The following AUTS2 variants were observed in gnomAD, a reference collection of about 807,000 sequenced individuals.
AUTS2 encodes autism susceptibility gene 2 protein.
In AUTS2, 17 loss-of-function variants were observed where a neutral mutation model predicts 112.4. That is an observed-to-expected ratio of 0.15 (90% CI 0.10 to 0.23). AUTS2 has a LOEUF of 0.23. AUTS2 is among the 10% of genes least tolerant of loss of function. The pLI is 1.00. For synonymous variants in AUTS2, 751 were observed against 702.7 expected (o/e 1.07, Z -1.09); for missense variants, 1,510 against 1,701.6 (o/e 0.89, Z 1.98).
At chr7:69,683,631 T>C (rs1167664415) in intron 1 of AUTS2, among the ~76,000 whole-genome samples, 1 of 151,782 alleles carries the variant, frequency 6.6e-6, no homozygotes, top group Non-Finnish European at 1.5e-5. Flanking sequence ...GCGCAATGGC[T>C]CACACCTGTA....
chr7:70,624,228 GTC>G (rs1402720037), intron 5 of AUTS2, among the ~76,000 whole-genome samples: 1 of 152,172 alleles, frequency 6.6e-6, no homozygotes, highest in Admixed American at 6.5e-5. Flanking sequence ...GGATGTGCTG[GTC>G]TCTCTGGAAG....
chr7:70,460,318 C>T (rs545665192), intron 5 of AUTS2, among the ~76,000 whole-genome samples: 2 of 150,406 alleles, frequency 1.3e-5, no homozygotes, highest in African/African-American at 4.9e-5. Context: ...GGCAGCCAAC[C>T]TCAGCAAGGA....
intron 6 of AUTS2, among the ~76,000 whole-genome samples, chr7:70,718,736 T>G (rs985057232): frequency 6.6e-6 from 1 of 152,184 alleles, no homozygotes; most frequent in Admixed American, 6.5e-5. Context: ...CCCTGCTGCT[T>G]CTTCATATAC....
chr7:70,258,243 T>C (rs994453978), intron 4 of AUTS2, among the ~76,000 whole-genome samples: 17 of 152,192 alleles, frequency 1.1e-4, no homozygotes, highest in African/African-American at 4.1e-4. Flanking sequence ...TGTAGTTATG[T>C]TGAGCAGTAA....
intron 4 of AUTS2, among the ~76,000 whole-genome samples, chr7:70,172,552 T>C (rs988813508): frequency 6.6e-6 from 1 of 152,226 alleles, no homozygotes; most frequent in Non-Finnish European, 1.5e-5. Flanking sequence ...CCTTCATTTC[T>C]AGAGATGCAG....
chr7:69,909,469 C>G (rs539144846), intron 2 of AUTS2, among the ~76,000 whole-genome samples: 1 of 152,062 alleles, frequency 6.6e-6, no homozygotes. Context: ...TGATGATGAG[C>G]TCTTAAGGTT....
At chr7:70,646,913 T>G (rs1806199706) in intron 5 of AUTS2, among the ~76,000 whole-genome samples, 1 of 152,208 alleles carries the variant, frequency 6.6e-6, no homozygotes, top group Admixed American at 6.5e-5. Context: ...CCATTTTGGA[T>G]GCTGTTCTGC....
rs150167742 is a variant in AUTS2, at chr7:69,726,309, T to C, written c.309+126347T>C. 1.3e-3 allele frequency among the ~76,000 whole-genome samples: 197 copies of C among 152,358 alleles called. 1 individual carries two copies. The highest frequency in any genetic ancestry group is 0.013 in the East Asian group (65 of 5,192). ...TGGAATTATACAAGTATGTGCTCTATTGTGTTTGCCTTCTTCTGTTAACAT... is the reference window on the plus strand; with the variant it reads ...TGGAATTATACAAGTATGTGCTCTACTGTGTTTGCCTTCTTCTGTTAACAT... On this transcript the variant is annotated intron_variant, in intron 1 of 18. Transcript: ENST00000342771.
At chr7:69,952,230 A>G (rs1431135729) in intron 2 of AUTS2, among the ~76,000 whole-genome samples, 1 of 152,138 alleles carries the variant, frequency 6.6e-6, no homozygotes, top group Non-Finnish European at 1.5e-5. Context: ...GTTTTTGTGT[A>G]CCCATACTTT....
At chr7:70,785,915 G>A (rs945984745) in intron 16 of AUTS2, 40 bp from the exon 17 acceptor site, 4 of 1,600,226 alleles carry the variant, frequency 2.5e-6, no homozygotes, top group Admixed American at 3.3e-5. Flanking sequence ...TCTCCCAGCA[G>A]AGCCCCTGAC....
In AUTS2 at chr7:70,280,731, C is replaced by T. The variant is rs192934226; in HGVS notation, c.660+146160C>T. Among the ~76,000 whole-genome samples the T allele has an allele frequency of 1.5e-3, 221 of 152,220 alleles. 1 individual carries two copies. Among genetic ancestry groups the T allele is most frequent in the African/African-American group, 4.9e-3 (202 of 41,524 alleles). ...AAACACTCCGTCCCCAACCCCGACA[C>T]AACAATACAGTGGGGTATTTTGGAT... On this transcript the variant is annotated intron_variant, in intron 4 of 18. Transcript: ENST00000342771.
At chr7:70,278,775 G>A (rs879590010) in intron 4 of AUTS2, among the ~76,000 whole-genome samples, 2 of 152,166 alleles carry the variant, frequency 1.3e-5, no homozygotes, top group Admixed American at 1.3e-4. Context: ...CTGAAAATCA[G>A]CCCGAAAGTG....
rs1486599146 is a variant in AUTS2, at chr7:70,791,214, G to A, written c.*218G>A. 7 of 420,426 alleles carry A rather than the reference G, an allele frequency of 1.7e-5. No homozygotes were observed. The South Asian group carries it at 5.1e-4, about 30-fold the overall frequency. The allele number at this position is 420,426 out of a possible 1,614,324, so 26.0% of individuals were successfully genotyped here. A position where few individuals can be genotyped will look rare whatever the true frequency, so the allele number is the denominator to read the frequency against. ...TTTTAGCCCAGTCATATGTTCTCACGTCTCCTACTTTTTGTTTCTCGTATA... is the reference window on the plus strand; with the variant it reads ...TTTTAGCCCAGTCATATGTTCTCACATCTCCTACTTTTTGTTTCTCGTATA... On this transcript the variant is annotated 3_prime_UTR_variant, in exon 19 of 19. Transcript: ENST00000342771.
chr7:70,598,770 C>CT (rs894708978), intron 5 of AUTS2, among the ~76,000 whole-genome samples: 9 of 151,964 alleles, frequency 5.9e-5, no homozygotes, highest in African/African-American at 1.7e-4. Context: ...TCCAAATTCC[C>CT]TTTTTTTTCT....
chr7:70,413,665 CTTGTT>C (rs10672712), intron 4 of AUTS2, among the ~76,000 whole-genome samples: 65 of 151,024 alleles, frequency 4.3e-4, no homozygotes, highest in African/African-American at 1.2e-3. Flanking sequence ...AATTTCTTTT[CTTGTT>C]TTGTTTTGTT....
intron 1 of AUTS2, among the ~76,000 whole-genome samples, chr7:69,739,707 G>A (rs887739838): frequency 1.3e-5 from 2 of 152,150 alleles, no homozygotes; most frequent in African/African-American, 4.8e-5. Flanking sequence ...CAATACAGTT[G>A]AAAATAAGTA....
intron 2 of AUTS2, among the ~76,000 whole-genome samples, chr7:70,013,230 A>T (rs1446616340): frequency 1.3e-5 from 2 of 152,180 alleles, no homozygotes; most frequent in Non-Finnish European, 2.9e-5. Context: ...TTCCTTTCCT[A>T]AAGCTGATGG....
intron 2 of AUTS2, among the ~76,000 whole-genome samples, chr7:69,935,566 G>A (rs997529765): frequency 3.9e-5 from 6 of 152,168 alleles, no homozygotes; most frequent in Admixed American, 2.0e-4. Context: ...GTAGTGAAGG[G>A]AGATAGGACT....
chr7:70,030,384 A>G (rs753590161), intron 2 of AUTS2, among the ~76,000 whole-genome samples: 1 of 152,208 alleles, frequency 6.6e-6, no homozygotes, highest in Non-Finnish European at 1.5e-5. Flanking sequence ...CTTATTTTAA[A>G]TTAATATTCT....
Sources: gnomAD v4.1 joint callset for allele counts (sites outside exome capture counted in the v4.1 genomes callset) on GRCh38, gnomAD v4.1.1 for gene constraint, MANE v1.5 for transcripts, NCBI Gene and HGNC (gene_info 2026-07-23, HGNC 2026-07-21) for gene names.